The following RPE65 variants were observed in gnomAD, a reference collection of about 807,000 sequenced individuals.
RPE65 encodes the protein retinoid isomerohydrolase RPE65.
RPE65 carries 58 observed loss-of-function variants against 68.5 expected under a neutral mutation model. The observed-to-expected ratio is 0.85, with a 90% CI of 0.69 to 1.05. RPE65 has a LOEUF of 1.05. RPE65 is among the 50% of genes least tolerant of loss of function. RPE65 has a pLI of 0.00. For synonymous variants in RPE65, 220 were observed against 222.2 expected (o/e 0.99, Z 0.09); for missense variants, 643 against 629.9 (o/e 1.02, Z -0.22).
Position 68,444,866 on chromosome 1 carries a change from G to A in RPE65, c.263C>T (p.Ala88Val). 1 of 1,614,120 alleles carries A rather than the reference G, an allele frequency of 6.2e-7. No individual in the cohort carries two copies. The highest frequency in any genetic ancestry group is 8.5e-7 in the Non-Finnish European group (1 of 1,180,012). ...TTTCTCAGTCATTGCCCGTACGTAA[G>A]CATCAGTGCGGATGAACCTGAAGGA... ...TYHRRFIRTD[A>V]YVRAMTEKRI... The change falls in exon 4 of 14, where the codon GCT (alanine) becomes GTT (valine). Residue 88 changes from alanine (A) to valine (V), a missense_variant. Physicochemically the swap from Ala to Val is moderately conservative, Grantham distance 64. Coordinates refer to ENST00000262340, the MANE Select transcript of RPE65 (RefSeq NM_000329.3).
At position 68,429,645 on chromosome 1, in the gene RPE65, T is replaced by C; in HGVS notation, c.*131A>G. On this transcript the variant is annotated 3_prime_UTR_variant, in exon 14 of 14. Transcript: ENST00000262340. ...TCAACTCAGTGCTTTCTGTAAAACA[T>C]TGCAAAATTGTGCGCATCTGCAAGT... 5.6e-6 allele frequency: 6 copies of C among 1,078,908 alleles called. No individual in the cohort carries two copies. The highest frequency in any genetic ancestry group is 8.3e-6 in the Non-Finnish European group (6 of 726,792). 66.8% of individuals were successfully genotyped at this position (1,078,908 alleles called of 1,614,324 possible).
intron 7 of RPE65, 82 bp downstream of exon 7, chr1:68,439,479 A>C: frequency 6.4e-7 from 1 of 1,562,630 alleles, no homozygotes; most frequent in Middle Eastern, 1.7e-4. Context: ...AAATATTGTG[A>C]TCAGGATTGG....
chr1:68,447,757 G>A (rs1215267186), intron 2 of RPE65, among the ~76,000 whole-genome samples: 1 of 152,164 alleles, frequency 6.6e-6, no homozygotes, highest in Non-Finnish European at 1.5e-5. Context: ...GGCTGAGGCA[G>A]GAGAATGGCA....
chr1:68,446,443 A>C (rs551847317), intron 3 of RPE65, among the ~76,000 whole-genome samples: 40 of 152,304 alleles, frequency 2.6e-4, no homozygotes, highest in African/African-American at 9.1e-4. Context: ...CATCTTGCCA[A>C]GGTTACCCTC....
At chr1:68,449,781 G>C in intron 1 of RPE65, 114 bp downstream of exon 1, 2 of 1,268,358 alleles carry the variant, frequency 1.6e-6, no homozygotes, top group African/African-American at 3.0e-5. Flanking sequence ...CAAAATTCAA[G>C]GGTCTTTCCT....
intron 8 of RPE65, 37 bp downstream of exon 8, chr1:68,439,154 C>T: frequency 6.2e-7 from 1 of 1,613,992 alleles, no homozygotes; most frequent in Non-Finnish European, 8.5e-7. Flanking sequence ...ACATCTTCTT[C>T]AGAATCACAA....
intron 2 of RPE65, 133 bp from the exon 3 acceptor site, chr1:68,446,993 C>T: frequency 8.3e-7 from 1 of 1,203,026 alleles, no homozygotes; most frequent in South Asian, 1.3e-5. Flanking sequence ...ATTTTCATTT[C>T]CAGCCCTCGC....
chr1:68,432,073 A>C (rs1645830963), intron 10 of RPE65, among the ~76,000 whole-genome samples: 1 of 151,964 alleles, frequency 6.6e-6, no homozygotes. Context: ...AAAAGAAAAA[A>C]AAAAAACGCT....
At chr1:68,446,586 C>T (rs1457352656) in intron 3 of RPE65, 124 bp downstream of exon 3, 8 of 1,082,514 alleles carry the variant, frequency 7.4e-6, no homozygotes, top group Admixed American at 3.7e-5. Context: ...GGCCCAGGTA[C>T]ATTGTGAGAA....
Position 68,429,449 on chromosome 1 carries a change from G to C in RPE65, c.*327C>G, listed in dbSNP as rs1379515660. On this transcript the variant is annotated 3_prime_UTR_variant, in exon 14 of 14. Transcript: ENST00000262340. ...GTTAAAAATATAATTGGAGCAGATA[G>C]GTACCTAAAATATGCTCTTATAATA... 2 of 318,338 alleles carry C rather than the reference G, an allele frequency of 6.3e-6. No individual in the cohort carries two copies. Among genetic ancestry groups the C allele is most frequent in the Admixed American group, 9.3e-5 (2 of 21,608 alleles). 19.7% of individuals were successfully genotyped at this position (318,338 alleles called of 1,614,324 possible). A position where few individuals can be genotyped will look rare whatever the true frequency, so the allele number is the denominator to read the frequency against.
At chr1:68,436,614 A>T (rs573576234) in intron 10 of RPE65, among the ~76,000 whole-genome samples, 26 of 152,034 alleles carry the variant, frequency 1.7e-4, no homozygotes, top group Admixed American at 8.5e-4. Context: ...GATTACAGGC[A>T]TGCACCACCA....
intron 10 of RPE65, among the ~76,000 whole-genome samples, chr1:68,435,074 C>T (rs1184779835): frequency 1.3e-5 from 2 of 152,148 alleles, no homozygotes; most frequent in African/African-American, 2.4e-5. Context: ...TAGTCTTCAC[C>T]CTTTTCAACT....
At chr1:68,431,042 G>T in intron 13 of RPE65, 23 bp downstream of exon 13, 1 of 1,577,224 alleles carries the variant, frequency 6.3e-7, no homozygotes, top group South Asian at 1.1e-5. Context: ...AGAGTATTCA[G>T]ACACAACAAT....
At position 68,438,237 on chromosome 1, in the gene RPE65, C is replaced by A. The variant is rs62646883; in HGVS notation, c.1078G>T (p.Ala360Ser). Residue 360 changes from alanine (A) to serine (S), a missense_variant, in exon 10 of 14, where the codon GCT (alanine) becomes TCT (serine). Transcript: ENST00000262340. ...TATCTCCTAACTTCAGGTTGGGGAG[C>A]CTTTCTGGCATTTTTTTTCACCTCT... ...WEEVKKNARK[A>S]PQPEVRRYVL... is the part of the protein sequence containing the mutation. 5 of 1,613,764 alleles carry A rather than the reference C, an allele frequency of 3.1e-6. No individual in the cohort carries two copies. Among genetic ancestry groups the A allele is most frequent in the African/African-American group, 1.3e-5 (1 of 74,896 alleles).
chr1:68,434,569 C>T lies in RPE65; in HGVS notation c.1129-2984G>A, dbSNP rs772842781. Among the ~76,000 whole-genome samples, 8 of 152,014 alleles carry T rather than the reference C, an allele frequency of 5.3e-5. No individual in the cohort carries two copies. The South Asian group carries it at 1.7e-3, about 32-fold the overall frequency. ...ACTTAGTGGTGATGCTGGGAAGAAG[C>T]GAGGGGTGTGCACATGTATGCATAT... On this transcript the variant is annotated intron_variant, in intron 10 of 13. Transcript: ENST00000262340.
At chr1:68,440,408 A>G (rs545652328) in intron 6 of RPE65, among the ~76,000 whole-genome samples, 16 of 152,310 alleles carry the variant, frequency 1.1e-4, no homozygotes, top group Admixed American at 5.9e-4. Context: ...CTTCTATGAG[A>G]TAACAGATTT....
rs138113233 is a variant in RPE65, at chr1:68,445,923, C to T, written c.245+787G>A. Reference sequence around the variant, plus strand: ...GGCTACATTTCTGCTTGACATCATCCGTTTCTCTTCTATTATCATGCAAGT... The same window carrying T: ...GGCTACATTTCTGCTTGACATCATCTGTTTCTCTTCTATTATCATGCAAGT... On this transcript the variant is annotated intron_variant, in intron 3 of 13. Coordinates refer to ENST00000262340, the MANE Select transcript of RPE65 (RefSeq NM_000329.3). 9.2e-3 allele frequency among the ~76,000 whole-genome samples: 1,396 copies of T among 151,854 alleles called. 18 individuals carry two copies. The highest frequency in any genetic ancestry group is 0.032 in the African/African-American group (1,337 of 41,430).
At position 68,444,838 on chromosome 1, in the gene RPE65, C is replaced by T. The variant is rs754533608; in HGVS notation, c.291G>A (p.Arg97=). The T allele has an allele frequency of 6.2e-7, 1 of 1,614,066 alleles. No individual in the cohort carries two copies. Among genetic ancestry groups the T allele is most frequent in the Non-Finnish European group, 8.5e-7 (1 of 1,180,012 alleles). ...DAYVRAMTEK[R]IVITEFGTCA... is the part of the protein sequence containing the mutation. ...AGGTGCCAAATTCTGTTATGACGAT[C>T]CTTTTCTCAGTCATTGCCCGTACGT... is the stretch of plus-strand genomic sequence containing the variant. Residue 97 remains arginine, a synonymous_variant, in exon 4 of 14, where the codon AGG becomes AGA. Coordinates refer to ENST00000262340, the MANE Select transcript of RPE65 (RefSeq NM_000329.3).
chr1:68,436,532 G>A (rs557575689), intron 10 of RPE65, among the ~76,000 whole-genome samples: 10 of 151,856 alleles, frequency 6.6e-5, no homozygotes, highest in Admixed American at 3.3e-4. Flanking sequence ...GCAATGGCAT[G>A]ATCTCGGCTC....
Sources: gnomAD v4.1 joint callset for allele counts (sites outside exome capture counted in the v4.1 genomes callset) on GRCh38, gnomAD v4.1.1 for gene constraint, MANE v1.5 for transcripts, NCBI Gene and HGNC (gene_info 2026-07-23, HGNC 2026-07-21) for gene names.